The following LRMDA variants were observed in gnomAD, a reference collection of about 807,000 sequenced individuals.
The protein encoded by LRMDA is leucine rich melanocyte differentiation associated.
Under a neutral mutation model 29.8 loss-of-function variants are expected in LRMDA, and 18 were observed. That is an observed-to-expected ratio of 0.60 (90% CI 0.42 to 0.90). The LOEUF (loss-of-function observed/expected upper bound fraction) is 0.90. LRMDA is among the 40% of genes least tolerant of loss of function. The pLI is 0.00. For missense variants in LRMDA, 273 were observed against 273.9 expected (o/e 1.00, Z 0.02); for synonymous variants, 125 against 109.4 (o/e 1.14, Z -0.89).
At chr10:75,953,229 T>C (rs930788540) in intron 2 of LRMDA, among the ~76,000 whole-genome samples, 3 of 152,078 alleles carry the variant, frequency 2.0e-5, no homozygotes. Flanking sequence ...CACACCACCA[T>C]GCCCAGCTAA....
intron 2 of LRMDA, among the ~76,000 whole-genome samples, chr10:75,933,333 A>G (rs548068417): frequency 6.6e-6 from 1 of 152,312 alleles, no homozygotes; most frequent in Non-Finnish European, 1.5e-5. Context: ...GCTCTGATTC[A>G]TTACTAATGG....
At chr10:76,214,232 T>C (rs1329210266) in intron 5 of LRMDA, among the ~76,000 whole-genome samples, 1 of 152,120 alleles carries the variant, frequency 6.6e-6, no homozygotes, top group Non-Finnish European at 1.5e-5. Context: ...TCCACTATTT[T>C]CTCATCTGCA....
chr10:76,442,098 A>G (rs1319406393), intron 6 of LRMDA, among the ~76,000 whole-genome samples: 2 of 152,208 alleles, frequency 1.3e-5, no homozygotes, highest in African/African-American at 4.8e-5. Flanking sequence ...ATAATCATGT[A>G]ATTCTTAAAG....
intron 3 of LRMDA, among the ~76,000 whole-genome samples, chr10:76,045,200 GT>G (rs1848413955): frequency 1.4e-5 from 2 of 143,342 alleles, no homozygotes; most frequent in Non-Finnish European, 3.0e-5. Flanking sequence ...TCTCTTGCTA[GT>G]TTCGCCCTCT....
At chr10:75,573,604 CTGT>C (rs1840463768) in intron 2 of LRMDA, among the ~76,000 whole-genome samples, 1 of 152,150 alleles carries the variant, frequency 6.6e-6, no homozygotes, top group African/African-American at 2.4e-5. Flanking sequence ...ATTTTGAAGA[CTGT>C]TTTTTAAGAT....
chr10:75,885,487 C>T (rs890094994), intron 2 of LRMDA, among the ~76,000 whole-genome samples: 4 of 152,172 alleles, frequency 2.6e-5, no homozygotes, highest in Non-Finnish European at 4.4e-5. Context: ...TGTTCTGTAA[C>T]TAAGGAGGCC....
intron 2 of LRMDA, among the ~76,000 whole-genome samples, chr10:75,739,807 T>C (rs1374660556): frequency 6.6e-6 from 1 of 152,262 alleles, no homozygotes; most frequent in African/African-American, 2.4e-5. Context: ...CTGTCGGTAA[T>C]TTATCTGTTG....
At chr10:75,610,272 ATTCT>A (rs967030885) in intron 2 of LRMDA, among the ~76,000 whole-genome samples, 2 of 152,054 alleles carry the variant, frequency 1.3e-5, no homozygotes, top group African/African-American at 4.8e-5. Context: ...TAACTGGCAA[ATTCT>A]TTCTATTGAG....
intron 2 of LRMDA, among the ~76,000 whole-genome samples, chr10:75,691,386 C>G (rs1430255387): frequency 6.6e-6 from 1 of 151,706 alleles, no homozygotes; most frequent in Non-Finnish European, 1.5e-5. Context: ...CTTACACTTT[C>G]TTGCTTAGAC....
intron 2 of LRMDA, among the ~76,000 whole-genome samples, chr10:75,606,500 G>T (rs1264065826): frequency 6.6e-6 from 1 of 152,134 alleles, no homozygotes; most frequent in Non-Finnish European, 1.5e-5. Flanking sequence ...TCCATTCCGG[G>T]CTACATGGGC....
chr10:75,526,954 A>G (rs1845420924), intron 2 of LRMDA, among the ~76,000 whole-genome samples: 1 of 152,184 alleles, frequency 6.6e-6, no homozygotes, highest in African/African-American at 2.4e-5. Context: ...GTGTTGTGCA[A>G]CCACCACCTC....
intron 2 of LRMDA, among the ~76,000 whole-genome samples, chr10:75,941,193 C>T (rs992059945): frequency 2.7e-4 from 41 of 152,242 alleles, no homozygotes; most frequent in Non-Finnish European, 2.5e-4. Flanking sequence ...GAAATGCCGC[C>T]GCCTCCAGCC....
At chr10:76,185,300 C>T (rs1851127318) in intron 5 of LRMDA, among the ~76,000 whole-genome samples, 1 of 152,108 alleles carries the variant, frequency 6.6e-6, no homozygotes, top group Non-Finnish European at 1.5e-5. Context: ...GAAATTTTCC[C>T]AGGAGACCAC....
At chr10:75,922,320 G>C (rs1469861981) in intron 2 of LRMDA, among the ~76,000 whole-genome samples, 1 of 152,122 alleles carries the variant, frequency 6.6e-6, no homozygotes, top group Non-Finnish European at 1.5e-5. Flanking sequence ...CATGAGTTTT[G>C]GTTTGGTTTG....
chr10:75,824,133 C>G (rs1019591752), intron 2 of LRMDA, among the ~76,000 whole-genome samples: 2 of 152,062 alleles, frequency 1.3e-5, no homozygotes, highest in Non-Finnish European at 1.5e-5. Flanking sequence ...GTCCCCAAAT[C>G]TATAAAGAAG....
intron 5 of LRMDA, among the ~76,000 whole-genome samples, chr10:76,178,966 G>T (rs1388765660): frequency 6.6e-6 from 1 of 152,174 alleles, no homozygotes; most frequent in Non-Finnish European, 1.5e-5. Flanking sequence ...GTTCACAAGA[G>T]AACCCAGCCA....
At chr10:75,682,420 AGAGTGTGTGT>A (rs1465941167) in intron 2 of LRMDA, among the ~76,000 whole-genome samples, 1 of 110,318 alleles carries the variant, frequency 9.1e-6, no homozygotes, top group Admixed American at 1.1e-4. Flanking sequence ...AACAACCAGA[AGAGTGTGTGT>A]GGGGGTGTGT....
In LRMDA at chr10:76,538,555, T is replaced by C. The variant is rs189255862; in HGVS notation, c.602-18654T>C. On this transcript the variant is annotated intron_variant, in intron 6 of 6. Coordinates refer to ENST00000611255, the MANE Select transcript of LRMDA (RefSeq NM_001305581.2). ...ACAGTTATATATATGTATATATATATACACACACACACACACACATATACA... is the reference window on the plus strand; with the variant it reads ...ACAGTTATATATATGTATATATATACACACACACACACACACACATATACA... 6.4e-3 allele frequency among the ~76,000 whole-genome samples: 899 copies of C among 141,482 alleles called. 4 individuals are homozygous for C. The highest frequency in any genetic ancestry group is 8.5e-3 in the Non-Finnish European group (559 of 65,940). The allele number at this position is 141,482 out of a possible 152,430, so 92.8% of individuals were successfully genotyped here.
chr10:75,948,123 C>T (rs1023766171), intron 2 of LRMDA, among the ~76,000 whole-genome samples: 9 of 152,148 alleles, frequency 5.9e-5, no homozygotes, highest in East Asian at 3.9e-4. Context: ...TAATGTTATA[C>T]GTTCCAGCCC....
Sources: gnomAD v4.1 joint callset for allele counts (sites outside exome capture counted in the v4.1 genomes callset) on GRCh38, gnomAD v4.1.1 for gene constraint, MANE v1.5 for transcripts, NCBI Gene and HGNC (gene_info 2026-07-23, HGNC 2026-07-21) for gene names.